Variants in CUEDC1 observed in about 807,000 individuals in gnomAD.
The protein encoded by CUEDC1 is CUE domain-containing protein 1.
In CUEDC1, 30 loss-of-function variants were observed where a neutral mutation model predicts 43.7. That is an observed-to-expected ratio of 0.69 (90% CI 0.51 to 0.93). The LOEUF (loss-of-function observed/expected upper bound fraction) is 0.93, where lower values mean the gene tolerates loss of function less well. Ranked by LOEUF, CUEDC1 falls within the 40% of genes least tolerant of loss-of-function variation. CUEDC1 has a pLI of 0.00. For missense variants in CUEDC1, 486 were observed against 549.0 expected (o/e 0.89, Z 1.15); for synonymous variants, 223 against 223.6 (o/e 1.00, Z 0.02).
chr17:57,944,887 G>A (rs1471388324), intron 1 of CUEDC1, among the ~76,000 whole-genome samples: 1 of 152,052 alleles, frequency 6.6e-6, no homozygotes, highest in Non-Finnish European at 1.5e-5. Context: ...ATTTCCATTC[G>A]TCTTCATATT....
chr17:57,873,751 C>A, intron 3 of CUEDC1, 34 bp from the exon 4 acceptor site: 1 of 1,517,976 alleles, frequency 6.6e-7, no homozygotes, highest in South Asian at 1.3e-5. Context: ...AAGAGGAAGT[C>A]ATTAAGCCCA....
At chr17:57,899,071 G>A (rs1177852902) in intron 1 of CUEDC1, among the ~76,000 whole-genome samples, 1 of 152,130 alleles carries the variant, frequency 6.6e-6, no homozygotes, top group Non-Finnish European at 1.5e-5. Flanking sequence ...CAGAGGAACA[G>A]AGGCTGGGAG....
At position 57,872,871 on chromosome 17, in the gene CUEDC1, A is replaced by G. The variant is rs1251581929; in HGVS notation, c.592-16T>C. 6.2e-7 allele frequency: 1 copy of G among 1,607,166 alleles called. No homozygotes were observed. On this transcript the variant is annotated splice_polypyrimidine_tract_variant and intron_variant, in intron 4 of 10. Coordinates refer to ENST00000577830, the MANE Select transcript of CUEDC1 (RefSeq NM_001271875.2). ...CAGCGTTACCCTGAGGAGGGAAGCG[A>G]GCATGTTGAATGTGTACACACAAGG...
At chr17:57,870,242 A>G (rs747887616) in intron 6 of CUEDC1, among the ~76,000 whole-genome samples, 1 of 152,218 alleles carries the variant, frequency 6.6e-6, no homozygotes, top group Non-Finnish European at 1.5e-5. Flanking sequence ...GCACCAGGTC[A>G]TCGTTCCCAG....
Position 57,869,205 on chromosome 17 carries a change from C to T in CUEDC1, c.869-12G>A, listed in dbSNP as rs375512742. On this transcript the variant is annotated splice_polypyrimidine_tract_variant and intron_variant, in intron 6 of 10. Coordinates refer to ENST00000577830, the MANE Select transcript of CUEDC1 (RefSeq NM_001271875.2). Reference sequence around the variant, plus strand: ...GGCGTCGCCAGTTCCTGGAAGGAGACACCTGCTGAAGGCCGGCCACCGTGG... The same window carrying T: ...GGCGTCGCCAGTTCCTGGAAGGAGATACCTGCTGAAGGCCGGCCACCGTGG... The T allele has an allele frequency of 5.6e-6, 9 of 1,613,016 alleles. No homozygotes were observed. The highest frequency in any genetic ancestry group is 1.7e-4 in the Middle Eastern group (1 of 6,056).
chr17:57,898,408 G>C (rs999531385), intron 1 of CUEDC1, among the ~76,000 whole-genome samples: 2 of 152,164 alleles, frequency 1.3e-5, no homozygotes, highest in Admixed American at 6.5e-5. Flanking sequence ...TGGAGCGAGT[G>C]GTCAGGAGTG....
At chr17:57,864,867 ACATGGC>A in intron 10 of CUEDC1, among the ~76,000 whole-genome samples, 1 of 152,324 alleles carries the variant, frequency 6.6e-6, no homozygotes, top group Non-Finnish European at 1.5e-5. Context: ...CAGCCTGGCC[ACATGGC>A]AAAAATCCAT....
At chr17:57,878,647 A>ATTATTTAC (rs2074162376) in intron 3 of CUEDC1, among the ~76,000 whole-genome samples, 1 of 147,300 alleles carries the variant, frequency 6.8e-6, no homozygotes, top group African/African-American at 2.6e-5. Flanking sequence ...AACTACCTTG[A>ATTATTTAC]TTATTTATTT....
At chr17:57,943,102 C>T (rs574875405) in intron 1 of CUEDC1, among the ~76,000 whole-genome samples, 1 of 152,274 alleles carries the variant, frequency 6.6e-6, no homozygotes, top group East Asian at 1.9e-4. Flanking sequence ...CGACATGCCT[C>T]CCTATTCTTT....
chr17:57,881,188 G>A (rs970291615), intron 2 of CUEDC1, among the ~76,000 whole-genome samples: 18 of 152,178 alleles, frequency 1.2e-4, no homozygotes, highest in African/African-American at 3.9e-4. Context: ...ACACACACAC[G>A]CGCACATGCA....
intron 6 of CUEDC1, among the ~76,000 whole-genome samples, chr17:57,869,488 T>A (rs1214467861): frequency 2.6e-5 from 4 of 152,196 alleles, no homozygotes; most frequent in African/African-American, 9.6e-5. Context: ...TTTCATGACA[T>A]CACCTTGGTA....
chr17:57,870,453 G>A (rs933710996), intron 6 of CUEDC1, among the ~76,000 whole-genome samples: 1 of 152,250 alleles, frequency 6.6e-6, no homozygotes, highest in Non-Finnish European at 1.5e-5. Context: ...ACAGATGGCA[G>A]ATATTCTCCA....
chr17:57,945,355 T>C (rs1334826739), intron 1 of CUEDC1, among the ~76,000 whole-genome samples: 2 of 152,234 alleles, frequency 1.3e-5, no homozygotes, highest in East Asian at 1.9e-4. Context: ...TAAATAATAT[T>C]TGTGGAAACA....
At chr17:57,918,311 G>A (rs1300037872) in intron 1 of CUEDC1, among the ~76,000 whole-genome samples, 1 of 152,254 alleles carries the variant, frequency 6.6e-6, no homozygotes, top group South Asian at 2.1e-4. Context: ...CTGATCAGCC[G>A]GGAACCCTCT....
At chr17:57,906,642 A>G (rs1033372966) in intron 1 of CUEDC1, among the ~76,000 whole-genome samples, 1 of 152,224 alleles carries the variant, frequency 6.6e-6, no homozygotes, top group African/African-American at 2.4e-5. Flanking sequence ...TACACAAGAA[A>G]GAGAGAGACA....
chr17:57,885,411 C>G lies in CUEDC1; in HGVS notation c.154G>C (p.Asp52His). The G allele has an allele frequency of 1.2e-6, 2 of 1,607,556 alleles. No individual in the cohort carries two copies. The highest frequency in any genetic ancestry group is 8.5e-7 in the Non-Finnish European group (1 of 1,178,048). ...TTGGGGAACATGGTCTTGAAGTCGT[C>G]CATGGCCTGGTTGAACTCCAGGCGG... is the stretch of plus-strand genomic sequence containing the variant. Reference protein sequence around the residue: ...VRRLEFNQAMDDFKTMFPNMD... With the variant: ...VRRLEFNQAMHDFKTMFPNMD... The change falls in exon 2 of 11, where the codon GAC becomes CAC. Residue 52 changes from aspartate (D) to histidine (H), a missense_variant. By Grantham distance (81) the Asp-to-His change is moderately conservative (BLOSUM62 -1). Coordinates refer to ENST00000577830, the MANE Select transcript of CUEDC1 (RefSeq NM_001271875.2).
intron 1 of CUEDC1, among the ~76,000 whole-genome samples, chr17:57,910,769 T>G (rs2074574662): frequency 6.6e-6 from 1 of 152,164 alleles, no homozygotes; most frequent in Non-Finnish European, 1.5e-5. Context: ...TTTTCCACAA[T>G]TAGCATATCA....
At chr17:57,875,297 A>G (rs775127497) in intron 3 of CUEDC1, among the ~76,000 whole-genome samples, 6 of 152,186 alleles carry the variant, frequency 3.9e-5, no homozygotes, top group Non-Finnish European at 8.8e-5. Context: ...CCACCCAGGA[A>G]AGCAGTGGAG....
chr17:57,938,960 CTTTTTTTTTT>C lies in CUEDC1; in HGVS notation c.-316+16255_-316+16264del, dbSNP rs55687937. Among the ~76,000 whole-genome samples, 701 of 82,714 alleles carry C rather than the reference CTTTTTTTTTT, an allele frequency of 8.5e-3. 3 individuals are homozygous for C. The highest frequency in any genetic ancestry group is 0.03 in the African/African-American group (683 of 23,126). The allele number at this position is 82,714 out of a possible 152,430, so 54.3% of individuals were successfully genotyped here. The stretch of plus-strand genomic sequence containing the variant: ...ACAGGCACGAGCCACCGTGCCCAGC[CTTTTTTTTTT>C]TTTTTTTTTTTTTTTGAAAAGGAGT... On this transcript the variant is annotated intron_variant, in intron 1 of 10. Transcript: ENST00000577830.
Sources: gnomAD v4.1 joint callset for allele counts (sites outside exome capture counted in the v4.1 genomes callset) on GRCh38, gnomAD v4.1.1 for gene constraint, MANE v1.5 for transcripts, NCBI Gene and HGNC (gene_info 2026-07-23, HGNC 2026-07-21) for gene names.